Variants in DGKG observed in about 807,000 individuals in gnomAD.
DGKG encodes the protein DAG kinase gamma.
In DGKG, 78 loss-of-function variants were observed where a neutral mutation model predicts 105.3. That is an observed-to-expected ratio of 0.74 (90% CI 0.62 to 0.89). DGKG has a LOEUF of 0.89. Among genes scored for constraint, DGKG ranks in the 40% least tolerant of loss-of-function variants. DGKG has a pLI of 0.00. For missense variants in DGKG, 958 were observed against 1,020.1 expected, an observed-to-expected ratio of 0.94 and a Z score of 0.83; for synonymous variants, 346 against 367.1, an observed-to-expected ratio of 0.94 and a Z score of 0.66.
chr3:186,151,284 C>T (rs1479544177), intron 24 of DGKG, among the ~76,000 whole-genome samples: 1 of 152,210 alleles, frequency 6.6e-6, no homozygotes, highest in African/African-American at 2.4e-5. Flanking sequence ...TCAAAAGAAA[C>T]AGAACCTATG....
At chr3:186,255,940 TC>T (rs1721446631) in intron 17 of DGKG, among the ~76,000 whole-genome samples, 1 of 152,224 alleles carries the variant, frequency 6.6e-6, no homozygotes, top group South Asian at 2.1e-4. Context: ...AACTAATGTT[TC>T]TTCCTCCTTC....
At chr3:186,323,495 T>C (rs1725178468) in intron 1 of DGKG, among the ~76,000 whole-genome samples, 1 of 152,194 alleles carries the variant, frequency 6.6e-6, no homozygotes, top group South Asian at 2.1e-4. Flanking sequence ...CTAGTGCTTC[T>C]GTTTAAGAAT....
intron 2 of DGKG, among the ~76,000 whole-genome samples, chr3:186,319,487 G>A (rs1724980934): frequency 6.6e-6 from 1 of 152,214 alleles, no homozygotes; most frequent in Non-Finnish European, 1.5e-5. Context: ...CAGGTCAACA[G>A]CTGCAGGCCT....
chr3:186,272,659 G>A (rs1722373461), intron 10 of DGKG, among the ~76,000 whole-genome samples: 1 of 152,178 alleles, frequency 6.6e-6, no homozygotes, highest in Non-Finnish European at 1.5e-5. Context: ...TCATCCTCCT[G>A]GCTATGCCAG....
intron 19 of DGKG, among the ~76,000 whole-genome samples, chr3:186,243,099 T>A (rs1232519358): frequency 6.6e-6 from 1 of 152,038 alleles, no homozygotes; most frequent in African/African-American, 2.4e-5. Flanking sequence ...AACTATAGGA[T>A]ATTGTCAAAA....
In DGKG at chr3:186,272,212, T is replaced by C. The variant is rs770002914; in HGVS notation, c.999+43A>G. ...AATCCATGTTGATGGACATGTTTCC[T>C]GGATGAGGCATGCAGTAGAACAAGG... On this transcript the variant is annotated intron_variant, in intron 11 of 24. Transcript: ENST00000265022. The C allele has an allele frequency of 1.1e-5, 16 of 1,464,802 alleles. No homozygotes were observed. In the African/African-American group the frequency reaches 2.2e-4, roughly 20 times the overall value. The allele number at this position is 1,464,802 out of a possible 1,614,324, so 90.7% of individuals were successfully genotyped here.
rs1262121627 is a variant in DGKG, at chr3:186,210,638, G to T, written c.1917+1157C>A. 1 of 454,102 alleles carries T rather than the reference G, an allele frequency of 2.2e-6. No individual in the cohort carries two copies. The highest frequency in any genetic ancestry group is 4.4e-6 in the Non-Finnish European group (1 of 226,620). The allele number at this position is 454,102 out of a possible 1,614,324, so 28.1% of individuals were successfully genotyped here. ...ACTCCCTGTGAGTGAGGAGCACAGG[G>T]GCCCTTCCGGCAGGGAGGGGCAGGG... On this transcript the variant is annotated intron_variant, in intron 21 of 24. Coordinates refer to ENST00000265022, the MANE Select transcript of DGKG (RefSeq NM_001346.3). This position sits in a 1 kb window ranked among gnomAD's most constrained non-coding sequence, Gnocchi z 5.2.
intron 6 of DGKG, among the ~76,000 whole-genome samples, chr3:186,285,442 C>T (rs1188392716): frequency 1.3e-5 from 2 of 152,060 alleles, no homozygotes; most frequent in Admixed American, 6.6e-5. Flanking sequence ...TAAAGGTATT[C>T]GGAAATACGC....
intron 16 of DGKG, among the ~76,000 whole-genome samples, chr3:186,260,160 A>G (rs1171866140): frequency 6.6e-6 from 1 of 152,190 alleles, no homozygotes; most frequent in Non-Finnish European, 1.5e-5. Context: ...CCTCCTGTCA[A>G]TCAAATGAAA....
At chr3:186,294,774 G>GTT (rs1398816611) in intron 5 of DGKG, among the ~76,000 whole-genome samples, 33 of 152,010 alleles carry the variant, frequency 2.2e-4, no homozygotes, top group Admixed American at 2.6e-4. Flanking sequence ...AGATATAAGA[G>GTT]TTATCTGTGC....
chr3:186,271,317 C>T (rs1722308448), intron 11 of DGKG, among the ~76,000 whole-genome samples: 1 of 152,200 alleles, frequency 6.6e-6, no homozygotes, highest in South Asian at 2.1e-4. Context: ...TCACCATGTC[C>T]TGGTCCTAGT....
intron 20 of DGKG, among the ~76,000 whole-genome samples, chr3:186,218,252 C>T (rs892422586): frequency 1.3e-5 from 2 of 152,060 alleles, no homozygotes; most frequent in African/African-American, 4.8e-5. Flanking sequence ...CACCTGTAAT[C>T]CCAGCACTTT....
At position 186,147,840 on chromosome 3, in the gene DGKG, C is replaced by A. The variant is rs1715573372; in HGVS notation, c.*2250G>T. ...CTCAGTTTCAGAAACAAGTGGCTTC[C>A]AAGATAGTACCTGTAGTAATTCTGG... On this transcript the variant is annotated 3_prime_UTR_variant, in exon 25 of 25. Coordinates refer to ENST00000265022, the MANE Select transcript of DGKG (RefSeq NM_001346.3). 1.0e-6 allele frequency: 1 copy of A among 985,396 alleles called. No individual in the cohort carries two copies. Among genetic ancestry groups the A allele is most frequent in the Non-Finnish European group, 1.2e-6 (1 of 829,926 alleles). The allele number at this position is 985,396 out of a possible 1,614,324, so 61.0% of individuals were successfully genotyped here.
intron 22 of DGKG, among the ~76,000 whole-genome samples, chr3:186,185,574 G>T (rs775281180): frequency 1.4e-4 from 21 of 152,108 alleles, no homozygotes; most frequent in Non-Finnish European, 4.4e-5. Context: ...TGGTGGTGGG[G>T]ATTCAGCTCT....
chr3:186,282,932 C>G lies in DGKG; in HGVS notation c.594+1728G>C, dbSNP rs145112116. Among the ~76,000 whole-genome samples the G allele has an allele frequency of 4.0e-3, 600 of 151,138 alleles. 2 individuals are homozygous for G. The highest frequency in any genetic ancestry group is 0.013 in the African/African-American group (552 of 41,112). On this transcript the variant is annotated intron_variant, in intron 7 of 24. Transcript: ENST00000265022. ...CTTTTTTTTTTTAATTTTTTTGAGA[C>G]GGAGTCTCCCTCTGTCGCCCAGGCT...
At chr3:186,217,129 G>A (rs1250983171) in intron 20 of DGKG, among the ~76,000 whole-genome samples, 1 of 152,202 alleles carries the variant, frequency 6.6e-6, no homozygotes, top group African/African-American at 2.4e-5. Context: ...CCCACAGGCT[G>A]CAGGGGTAAG....
chr3:186,291,032 T>C (rs1354675665), intron 5 of DGKG, among the ~76,000 whole-genome samples: 1 of 152,204 alleles, frequency 6.6e-6, no homozygotes, highest in East Asian at 1.9e-4. Context: ...GTAAATGCCT[T>C]TCTGGTCCTG....
At chr3:186,337,777 C>G (rs907804133) in intron 1 of DGKG, among the ~76,000 whole-genome samples, 1 of 152,090 alleles carries the variant, frequency 6.6e-6, no homozygotes, top group Non-Finnish European at 1.5e-5. Context: ...GTGACTGACA[C>G]AAAATCAATA....
intron 13 of DGKG, 56 bp downstream of exon 13, chr3:186,267,629 C>A (rs1055370033): frequency 2.2e-5 from 31 of 1,388,568 alleles, no homozygotes; most frequent in Non-Finnish European, 3.1e-5. Context: ...AAGCTGCCTA[C>A]ATCTGAAACC....
Sources: allele counts gnomAD v4.1 joint callset (sites outside exome capture counted in the v4.1 genomes callset), GRCh38; gene constraint gnomAD v4.1.1; non-coding constraint Gnocchi (gnomAD v3.1); transcripts MANE v1.5; gene names NCBI Gene and HGNC (gene_info 2026-07-23, HGNC 2026-07-21).